Variants in MAP3K10 observed in about 807,000 individuals in gnomAD.
The protein encoded by MAP3K10 is MKN28 derived nonreceptor_type serine/threonine kinase.
A neutral mutation model predicts 75.0 loss-of-function variants in MAP3K10; 22 were observed. That is an observed-to-expected ratio of 0.29 (90% confidence interval 0.21 to 0.42). The LOEUF (loss-of-function observed/expected upper bound fraction) is 0.42. Among genes scored for constraint, MAP3K10 ranks in the 10% least tolerant of loss-of-function variants. The pLI, the probability that MAP3K10 is intolerant of heterozygous loss-of-function variation, is 1.00. For missense variants in MAP3K10, 1,165 were observed against 1,379.8 expected, an observed-to-expected ratio of 0.84 and a Z score of 2.47; for synonymous variants, 599 against 612.9, an observed-to-expected ratio of 0.98 and a Z score of 0.34.
Position 40,192,455 on chromosome 19 carries a change from G to A in MAP3K10, c.424G>A (p.Val142Met). 1 of 1,614,046 alleles carries A rather than the reference G, an allele frequency of 6.2e-7. No homozygotes were observed. The highest frequency in any genetic ancestry group is 1.3e-5 in the African/African-American group (1 of 75,064). ...EKDPAVTAEQ[V>M]CQEARLFGAL... ...GGACCCGGCAGTGACAGCGGAGCAG[G>A]TGTGCCAGGAAGCCCGGCTCTTTGG... The change falls in exon 1 of 10, where the codon GTG (valine) becomes ATG (methionine). Residue 142 changes from valine to methionine, a missense_variant. Coordinates refer to ENST00000253055, the MANE Select transcript of MAP3K10 (RefSeq NM_002446.4). This position sits in a 1 kb window ranked among gnomAD's most constrained non-coding sequence, Gnocchi z 7.1.
At chr19:40,210,848 T>C (rs1973226079) in intron 6 of MAP3K10, among the ~76,000 whole-genome samples, 1 of 152,190 alleles carries the variant, frequency 6.6e-6, no homozygotes, top group Non-Finnish European at 1.5e-5. Flanking sequence ...AACTCTCTTT[T>C]TGTTCTGTCT....
At chr19:40,210,845 T>C (rs1240122210) in intron 6 of MAP3K10, among the ~76,000 whole-genome samples, 1 of 152,188 alleles carries the variant, frequency 6.6e-6, no homozygotes, top group East Asian at 1.9e-4. Context: ...GCTAACTCTC[T>C]TTTTGTTCTG....
At chr19:40,199,423 G>A (rs150085393) in intron 2 of MAP3K10, among the ~76,000 whole-genome samples, 1 of 152,280 alleles carries the variant, frequency 6.6e-6, no homozygotes, top group Non-Finnish European at 1.5e-5. Flanking sequence ...GACTACTTTT[G>A]GGAACGCTTC....
chr19:40,195,393 T>G (rs1205860051), intron 1 of MAP3K10, among the ~76,000 whole-genome samples: 1 of 150,264 alleles, frequency 6.7e-6, no homozygotes, highest in Non-Finnish European at 1.5e-5. Flanking sequence ...AAGGGAAAAC[T>G]TCTGCAGAGG....
intron 2 of MAP3K10, among the ~76,000 whole-genome samples, chr19:40,203,288 G>A (rs974043466): frequency 2.0e-5 from 3 of 151,904 alleles, no homozygotes; most frequent in East Asian, 1.9e-4. Context: ...GCAGGGAGCC[G>A]AGATCATGCC....
chr19:40,202,690 G>A (rs529942202), intron 2 of MAP3K10, among the ~76,000 whole-genome samples: 1 of 152,162 alleles, frequency 6.6e-6, no homozygotes, highest in African/African-American at 2.4e-5. Context: ...CTCCCACGCA[G>A]GCTAGAATGT....
intron 5 of MAP3K10, among the ~76,000 whole-genome samples, chr19:40,207,207 A>C (rs1223167582): frequency 6.6e-6 from 1 of 152,186 alleles, no homozygotes; most frequent in Non-Finnish European, 1.5e-5. Flanking sequence ...CTCAAGACTT[A>C]ATCAGATTCA....
Position 40,215,569 on chromosome 19 carries a change from C to A in MAP3K10, c.*277C>A, listed in dbSNP as rs547801273. On this transcript the variant is annotated 3_prime_UTR_variant, in exon 10 of 10. Transcript: ENST00000253055. Reference sequence around the variant, plus strand: ...AATGGAGCATTAAAGGTAACCCCTGCCCCCTACCGCACTTGATTGTGTTCC... The same window carrying A: ...AATGGAGCATTAAAGGTAACCCCTGACCCCTACCGCACTTGATTGTGTTCC... The A allele has an allele frequency of 4.3e-6, 2 of 464,658 alleles. No homozygotes were observed. The highest frequency in any genetic ancestry group is 4.1e-5 in the South Asian group (1 of 24,504). 28.8% of individuals were successfully genotyped at this position (464,658 alleles called of 1,614,324 possible). A position where few individuals can be genotyped will look rare whatever the true frequency, so the allele number is the denominator to read the frequency against.
At position 40,214,010 on chromosome 19, in the gene MAP3K10, A is replaced by ACCCCCCC; in HGVS notation, c.2334_2335insCCCCCCC (p.Ser779ProfsTer75). On this transcript the variant is annotated frameshift_variant, in exon 9 of 10. Coordinates refer to ENST00000253055, the MANE Select transcript of MAP3K10 (RefSeq NM_002446.4). LOFTEE classifies it high-confidence loss of function. ...CCGCACCGGCCGCGCCCTCCCCACC[A>ACCCCCCC]CCCTCCCCGCCCGCGCCCACACCCA... 3 of 726,370 alleles carry ACCCCCCC rather than the reference A, an allele frequency of 4.1e-6. No individual in the cohort carries two copies. Among genetic ancestry groups the ACCCCCCC allele is most frequent in the Non-Finnish European group, 5.6e-6 (3 of 538,528 alleles). The allele number at this position is 726,370 out of a possible 1,614,324, so 45.0% of individuals were successfully genotyped here.
chr19:40,203,172 T>A (rs1020858378), intron 2 of MAP3K10, among the ~76,000 whole-genome samples: 2 of 151,986 alleles, frequency 1.3e-5, no homozygotes, highest in Admixed American at 6.6e-5. Context: ...AAACCCCATC[T>A]CTACTAAAAA....
chr19:40,208,363 T>TTTTTTTTTTTTTTTTTTA (rs1555756664), intron 5 of MAP3K10, among the ~76,000 whole-genome samples: 9 of 111,892 alleles, frequency 8.0e-5, no homozygotes, highest in African/African-American at 1.5e-4. Flanking sequence ...TTTTTTTTTT[T>TTTTTTTTTTTTTTTTTTA]TTTTTTGTAT....
At position 40,198,582 on chromosome 19, in the gene MAP3K10, C is replaced by G. The variant is rs1373384737; in HGVS notation, c.863+27C>G. On this transcript the variant is annotated intron_variant, in intron 2 of 9. Coordinates refer to ENST00000253055, the MANE Select transcript of MAP3K10 (RefSeq NM_002446.4). The surrounding 1 kb of genome is among the most constrained non-coding windows in gnomAD (Gnocchi z 4.3). ...TGCTGAAAGGCGCGGCCGGGATGGC[C>G]TCTGGGGAGTAAGGGAGGGAGGAAG... is the stretch of plus-strand genomic sequence containing the variant. 1 of 1,585,274 alleles carries G rather than the reference C, an allele frequency of 6.3e-7. No individual in the cohort carries two copies. The highest frequency in any genetic ancestry group is 8.6e-7 in the Non-Finnish European group (1 of 1,161,040).
At chr19:40,197,342 C>T (rs575463298) in intron 1 of MAP3K10, among the ~76,000 whole-genome samples, 3 of 152,066 alleles carry the variant, frequency 2.0e-5, no homozygotes, top group Non-Finnish European at 2.9e-5. Flanking sequence ...TTTGTTTTCT[C>T]GGAGACAGAG....
chr19:40,210,455 C>G (rs1568493180), intron 6 of MAP3K10, among the ~76,000 whole-genome samples: 2 of 152,176 alleles, frequency 1.3e-5, no homozygotes, highest in African/African-American at 4.8e-5. Context: ...AATCCCAACA[C>G]TTTGGGAGAC....
rs1300847179 is a variant in MAP3K10, at chr19:40,199,706, G to C, written c.863+1151G>C. Among the ~76,000 whole-genome samples the C allele has an allele frequency of 4.6e-5, 7 of 152,202 alleles. No homozygotes were observed. The East Asian group carries it at 7.7e-4, about 17-fold the overall frequency. ...AGCCATGAGGAGCCATGTCTGAATA[G>C]AGTGGTAGCTCACACCTATAATCCC... On this transcript the variant is annotated intron_variant, in intron 2 of 9. Transcript: ENST00000253055.
At position 40,192,900 on chromosome 19, in the gene MAP3K10, G is replaced by T. The variant is rs902243429; in HGVS notation, c.682+187G>T. Among the ~76,000 whole-genome samples the T allele has an allele frequency of 6.6e-6, 1 of 152,196 alleles. No homozygotes were observed. The highest frequency in any genetic ancestry group is 2.4e-5 in the African/African-American group (1 of 41,442). On this transcript the variant is annotated intron_variant, in intron 1 of 9. Transcript: ENST00000253055. This position sits in a 1 kb window ranked among gnomAD's most constrained non-coding sequence, Gnocchi z 7.1. Reference sequence around the variant, plus strand: ...CCTTAAGGGAGAAAAAGGAGGCTCAGAAAGGTTGAAGGACTTACCTGCCTC... The same window carrying T: ...CCTTAAGGGAGAAAAAGGAGGCTCATAAAGGTTGAAGGACTTACCTGCCTC...
At chr19:40,211,674 A>G (rs959702822) in intron 6 of MAP3K10, among the ~76,000 whole-genome samples, 1 of 152,010 alleles carries the variant, frequency 6.6e-6, no homozygotes, top group Non-Finnish European at 1.5e-5. Flanking sequence ...AATGGCTTCC[A>G]GCTCCATCCA....
intron 5 of MAP3K10, 66 bp downstream of exon 5, chr19:40,206,223 A>G: frequency 2.0e-6 from 3 of 1,508,718 alleles, no homozygotes; most frequent in African/African-American, 2.8e-5. Context: ...CCTAGGATTT[A>G]TCTCTTCCTT....
chr19:40,207,915 A>T (rs995150227), intron 5 of MAP3K10, among the ~76,000 whole-genome samples: 1 of 151,198 alleles, frequency 6.6e-6, no homozygotes, highest in African/African-American at 2.4e-5. Flanking sequence ...TTTTTCTGAG[A>T]TGGGGTCTTG....
Sources: gnomAD v4.1 joint callset for allele counts (sites outside exome capture counted in the v4.1 genomes callset) on GRCh38, gnomAD v4.1.1 for gene constraint, Gnocchi (gnomAD v3.1) non-coding constraint, MANE v1.5 for transcripts, NCBI Gene and HGNC (gene_info 2026-07-23, HGNC 2026-07-21) for gene names.